The following CTNNA3 variants were observed in gnomAD, a reference collection of about 807,000 sequenced individuals.
The protein encoded by CTNNA3 is catenin alpha 3.
Under a neutral mutation model 95.7 loss-of-function variants are expected in CTNNA3, and 76 were observed. The ratio of observed to expected loss-of-function variants is 0.79; its 90% CI spans 0.66 to 0.96. The LOEUF (loss-of-function observed/expected upper bound fraction) is 0.96. Ranked by LOEUF, CTNNA3 falls within the 40% of genes least tolerant of loss-of-function variation. CTNNA3 has a pLI of 0.00. For synonymous variants in CTNNA3, 431 were observed against 374.4 expected, an observed-to-expected ratio of 1.15 and a Z score of -1.74; for missense variants, 1,191 against 1,089.8, an observed-to-expected ratio of 1.09 and a Z score of -1.31.
intron 12 of CTNNA3, among the ~76,000 whole-genome samples, chr10:66,321,028 G>A (rs1043087459): frequency 1.3e-5 from 2 of 151,878 alleles, no homozygotes; most frequent in Non-Finnish European, 2.9e-5. Context: ...CCAGACCAAT[G>A]CCCATCACAA....
At chr10:66,578,497 G>A (rs764786294) in intron 10 of CTNNA3, among the ~76,000 whole-genome samples, 5 of 151,872 alleles carry the variant, frequency 3.3e-5, no homozygotes, top group Non-Finnish European at 5.9e-5. Context: ...TTCTATTGAT[G>A]CCTAATTTCT....
chr10:67,035,326 T>C (rs1428664147), intron 7 of CTNNA3, among the ~76,000 whole-genome samples: 1 of 152,224 alleles, frequency 6.6e-6, no homozygotes, highest in East Asian at 1.9e-4. Context: ...TTTACTGTTG[T>C]CAAAATATAA....
At chr10:67,155,144 C>A (rs1861252410) in intron 7 of CTNNA3, among the ~76,000 whole-genome samples, 1 of 151,016 alleles carries the variant, frequency 6.6e-6, no homozygotes, top group African/African-American at 2.5e-5. Flanking sequence ...GAACAAGAAG[C>A]ATGTCTCTTT....
intron 2 of CTNNA3, among the ~76,000 whole-genome samples, chr10:67,629,504 G>A (rs1186093591): frequency 1.3e-5 from 2 of 152,198 alleles, no homozygotes; most frequent in African/African-American, 4.8e-5. Context: ...ATTTGGAAAT[G>A]CAGGAATGAA....
At chr10:67,619,834 C>A (rs1209665913) in intron 2 of CTNNA3, among the ~76,000 whole-genome samples, 2 of 152,116 alleles carry the variant, frequency 1.3e-5, no homozygotes, top group Non-Finnish European at 2.9e-5. Flanking sequence ...AGCTCCCCTG[C>A]ACAAAACTTC....
chr10:67,613,691 A>G (rs994430144), intron 2 of CTNNA3, among the ~76,000 whole-genome samples: 34 of 152,288 alleles, frequency 2.2e-4, no homozygotes, highest in East Asian at 5.8e-4. Flanking sequence ...AAGAGCTGGC[A>G]CATCCTTTTT....
intron 3 of CTNNA3, among the ~76,000 whole-genome samples, chr10:67,574,278 GATTT>G: frequency 1.3e-5 from 2 of 152,160 alleles, no homozygotes; most frequent in Middle Eastern, 6.8e-3. Context: ...TTCTTTGATT[GATTT>G]ATTTAAGGAA....
At chr10:67,301,317 C>T (rs1840258122) in intron 5 of CTNNA3, among the ~76,000 whole-genome samples, 1 of 152,120 alleles carries the variant, frequency 6.6e-6, no homozygotes, top group South Asian at 2.1e-4. Context: ...TCACCTCATA[C>T]CTGTTAGAAT....
chr10:66,727,501 A>G (rs1009776642), intron 9 of CTNNA3, among the ~76,000 whole-genome samples: 1 of 152,156 alleles, frequency 6.6e-6, no homozygotes, highest in African/African-American at 2.4e-5. Context: ...TTAGTTATAC[A>G]CTTTCAGAGG....
chr10:67,592,492 T>C (rs763861731), intron 3 of CTNNA3, among the ~76,000 whole-genome samples: 5 of 152,056 alleles, frequency 3.3e-5, no homozygotes, highest in African/African-American at 4.8e-5. Context: ...ACAATATTTC[T>C]AAAAACAAAA....
At chr10:67,447,684 GT>G (rs1846807837) in intron 5 of CTNNA3, among the ~76,000 whole-genome samples, 1 of 151,988 alleles carries the variant, frequency 6.6e-6, no homozygotes, top group South Asian at 2.1e-4. Context: ...ACACCCCTTG[GT>G]CATCACATTT....
intron 5 of CTNNA3, among the ~76,000 whole-genome samples, chr10:67,276,566 AT>A (rs1839186820): frequency 6.6e-6 from 1 of 152,114 alleles, no homozygotes; most frequent in Non-Finnish European, 1.5e-5. Flanking sequence ...TTGTATTTGT[AT>A]TTTTTAATTA....
chr10:66,127,290 A>C (rs959719386), intron 13 of CTNNA3, among the ~76,000 whole-genome samples: 1 of 151,652 alleles, frequency 6.6e-6, no homozygotes, highest in African/African-American at 2.4e-5. Flanking sequence ...AAAAAAAAAA[A>C]AAAGGGAAAT....
intron 3 of CTNNA3, among the ~76,000 whole-genome samples, chr10:67,580,909 G>C (rs1313807148): frequency 2.0e-5 from 3 of 152,072 alleles, no homozygotes; most frequent in Non-Finnish European, 2.9e-5. Context: ...CATTGATTTT[G>C]TATCCTGAGA....
At chr10:65,982,226 G>T (rs996213022) in intron 16 of CTNNA3, among the ~76,000 whole-genome samples, 1 of 150,906 alleles carries the variant, frequency 6.6e-6, no homozygotes, top group Non-Finnish European at 1.5e-5. Context: ...TATACAAATG[G>T]CCAACAAGCA....
chr10:67,762,198 AAAAAAG>A (rs1376147711), intron 1 of CTNNA3, among the ~76,000 whole-genome samples: 27 of 135,592 alleles, frequency 2.0e-4, no homozygotes, highest in Admixed American at 9.8e-4. Context: ...AAAAAAAAAA[AAAAAAG>A]ATTATTTCAC....
At chr10:67,048,904 T>C (rs938940528) in intron 7 of CTNNA3, among the ~76,000 whole-genome samples, 6 of 152,162 alleles carry the variant, frequency 3.9e-5, no homozygotes, top group Non-Finnish European at 1.5e-5. Context: ...CTGCTGAAGT[T>C]TCACTCATAC....
chr10:67,444,430 T>A (rs1307323836), intron 5 of CTNNA3, among the ~76,000 whole-genome samples: 1 of 152,008 alleles, frequency 6.6e-6, no homozygotes, highest in Non-Finnish European at 1.5e-5. Flanking sequence ...TATAAATGCC[T>A]ACATCGAAAA....
At chr10:67,379,157 T>G (rs1366952985) in intron 5 of CTNNA3, among the ~76,000 whole-genome samples, 5 of 152,226 alleles carry the variant, frequency 3.3e-5, no homozygotes, top group African/African-American at 1.2e-4. Flanking sequence ...AACATAATAT[T>G]ACATTATTAT....
Sources: gnomAD v4.1 joint callset for allele counts (sites outside exome capture counted in the v4.1 genomes callset) on GRCh38, gnomAD v4.1.1 for gene constraint, MANE v1.5 for transcripts, NCBI Gene and HGNC (gene_info 2026-07-23, HGNC 2026-07-21) for gene names.